The following PRKN variants were observed in gnomAD, a reference collection of about 807,000 sequenced individuals.
PRKN encodes parkin RBR E3 ubiquitin protein ligase.
A neutral mutation model predicts 59.5 loss-of-function variants in PRKN; 56 were observed. The observed-to-expected ratio is 0.94, with a 90% CI of 0.76 to 1.18. The LOEUF is 1.18. PRKN is among the 50% of genes most tolerant of loss of function. PRKN has a pLI of 0.00. For missense variants in PRKN, 657 were observed against 596.4 expected, an observed-to-expected ratio of 1.10 and a Z score of -1.06; for synonymous variants, 250 against 222.1, an observed-to-expected ratio of 1.13 and a Z score of -1.12.
intron 7 of PRKN, among the ~76,000 whole-genome samples, chr6:161,664,307 G>C (rs1201646638): frequency 6.6e-6 from 1 of 152,196 alleles, no homozygotes; most frequent in Non-Finnish European, 1.5e-5. Flanking sequence ...AAGAAATAGA[G>C]GGTCTTCCTG....
intron 7 of PRKN, among the ~76,000 whole-genome samples, chr6:161,741,754 T>G (rs368000411): frequency 6.6e-6 from 1 of 152,044 alleles, no homozygotes; most frequent in Non-Finnish European, 1.5e-5. Context: ...CATCCCAAAT[T>G]AATAAGAACT....
chr6:162,588,574 C>T (rs752130163), intron 1 of PRKN, among the ~76,000 whole-genome samples: 12 of 151,612 alleles, frequency 7.9e-5, no homozygotes, highest in East Asian at 2.0e-4. Flanking sequence ...TTTTTGGAGA[C>T]GGAGTCTGGC....
intron 1 of PRKN, among the ~76,000 whole-genome samples, chr6:162,549,581 A>G (rs1374122091): frequency 6.6e-6 from 1 of 152,122 alleles, no homozygotes; most frequent in South Asian, 2.1e-4. Context: ...CATTGAGTAG[A>G]TAACAGCCTA....
chr6:161,573,797 A>ATATATATATATATAT (rs1554278446), intron 7 of PRKN, among the ~76,000 whole-genome samples: 3 of 67,832 alleles, frequency 4.4e-5, no homozygotes, highest in African/African-American at 1.0e-4. Flanking sequence ...TATATATATA[A>ATATATATATATATAT]AACTTCATTC....
At chr6:161,941,922 G>A (rs983100187) in intron 6 of PRKN, among the ~76,000 whole-genome samples, 4 of 152,174 alleles carry the variant, frequency 2.6e-5, no homozygotes, top group African/African-American at 7.2e-5. Flanking sequence ...ATAGAAATAC[G>A]TTATTAATGA....
chr6:161,590,409 C>T (rs557905296), intron 7 of PRKN, among the ~76,000 whole-genome samples: 2 of 151,990 alleles, frequency 1.3e-5, no homozygotes, highest in Middle Eastern at 6.8e-3. Context: ...ACCAGCCTAG[C>T]CAACATGGTG....
intron 4 of PRKN, among the ~76,000 whole-genome samples, chr6:162,132,799 G>C (rs529975354): frequency 4.1e-4 from 63 of 152,254 alleles, no homozygotes; most frequent in African/African-American, 1.4e-3. Context: ...AAGCAGAGCG[G>C]TGGGATGGCG....
At chr6:162,491,603 T>G (rs975715909) in intron 1 of PRKN, among the ~76,000 whole-genome samples, 1 of 152,180 alleles carries the variant, frequency 6.6e-6, no homozygotes, top group Non-Finnish European at 1.5e-5. Flanking sequence ...CCATGGAGAC[T>G]GACTTAGCCA....
rs1210035743 is a variant in PRKN, at chr6:161,487,357, G to A, written c.1083+61497C>T. On this transcript the variant is annotated intron_variant, in intron 9 of 11. Coordinates refer to ENST00000366898, the MANE Select transcript of PRKN (RefSeq NM_004562.3). The surrounding 1 kb of genome is among the most constrained non-coding windows in gnomAD (Gnocchi z 5.3). ...TGTCTCCTTCCTATACTGCCCCTTC[G>A]CCCATCTGTGTGAGCCAAGGCAAGG... Among the ~76,000 whole-genome samples, 7 of 152,058 alleles carry A rather than the reference G, an allele frequency of 4.6e-5. No homozygotes were observed. Among genetic ancestry groups the A allele is most frequent in the Non-Finnish European group, 8.8e-5 (6 of 68,006 alleles).
At position 162,443,399 on chromosome 6, in the gene PRKN, C is replaced by T; in HGVS notation, c.82G>A (p.Glu28Lys). The change falls in exon 2 of 12, where the codon GAG becomes AAG. Residue 28 changes from glutamate (E) to lysine (K), a missense_variant. By Grantham distance (56) the Glu-to-Lys change is moderately conservative. Coordinates refer to ENST00000366898, the MANE Select transcript of PRKN (RefSeq NM_004562.3). ...ACCCCCTGTCGCTTAGCAACCACCT[C>T]CTTGAGCTGGAAGATGCTGGTGTCA... Reference protein sequence around the residue: ...DSDTSIFQLKEVVAKRQGVPA... With the variant: ...DSDTSIFQLKKVVAKRQGVPA... The T allele has an allele frequency of 6.2e-7, 1 of 1,614,064 alleles. No homozygotes were observed. Among genetic ancestry groups the T allele is most frequent in the Non-Finnish European group, 8.5e-7 (1 of 1,180,018 alleles).
intron 9 of PRKN, among the ~76,000 whole-genome samples, chr6:161,434,688 A>G (rs992929086): frequency 3.3e-5 from 5 of 152,204 alleles, no homozygotes; most frequent in Admixed American, 3.3e-4. Flanking sequence ...TTTACAAAGC[A>G]TCTTTCACCT....
chr6:161,810,168 T>A (rs1320034090), intron 6 of PRKN, among the ~76,000 whole-genome samples: 1 of 151,900 alleles, frequency 6.6e-6, no homozygotes, highest in Non-Finnish European at 1.5e-5. Context: ...ATGACTGGAG[T>A]CCTTACAAGA....
chr6:162,339,383 G>A (rs1490057083), intron 2 of PRKN, among the ~76,000 whole-genome samples: 42 of 146,946 alleles, frequency 2.9e-4, no homozygotes, highest in Admixed American at 2.5e-3. Context: ...GTCCGGGAGG[G>A]AGGTGGGGGG....
intron 2 of PRKN, among the ~76,000 whole-genome samples, chr6:162,271,227 A>G (rs1214535471): frequency 6.6e-6 from 1 of 152,060 alleles, no homozygotes; most frequent in Admixed American, 6.6e-5. Flanking sequence ...TGCCAAGAAA[A>G]GACAAAACGG....
chr6:161,544,468 A>G lies in PRKN; in HGVS notation c.1083+4386T>C, dbSNP rs551277239. 2.3e-3 allele frequency among the ~76,000 whole-genome samples: 346 copies of G among 151,378 alleles called. 1 individual carries two copies. The highest frequency in any genetic ancestry group is 3.8e-3 in the Non-Finnish European group (259 of 67,828). ...ATAAAAGTAATAGTTTGTTGATATT[A>G]CTCCTAGATTATTAAGATTCACTCA... On this transcript the variant is annotated intron_variant, in intron 9 of 11. Coordinates refer to ENST00000366898, the MANE Select transcript of PRKN (RefSeq NM_004562.3). This position sits in a 1 kb window ranked among gnomAD's most constrained non-coding sequence, Gnocchi z 5.5.
chr6:162,141,642 T>C (rs1781784907), intron 4 of PRKN, among the ~76,000 whole-genome samples: 1 of 152,182 alleles, frequency 6.6e-6, no homozygotes, highest in Non-Finnish European at 1.5e-5. Context: ...CAGTCAATAT[T>C]GGTAATAGAG....
chr6:161,997,348 G>A (rs914829759), intron 5 of PRKN, among the ~76,000 whole-genome samples: 1 of 151,986 alleles, frequency 6.6e-6, no homozygotes, highest in Admixed American at 6.6e-5. Flanking sequence ...AGCCTCCTGG[G>A]GTTCTGTTGC....
intron 2 of PRKN, among the ~76,000 whole-genome samples, chr6:162,344,681 C>G (rs1562688658): frequency 6.6e-6 from 1 of 151,900 alleles, no homozygotes; most frequent in African/African-American, 2.4e-5. Context: ...AGCAGCCCCA[C>G]TACTACTAAC....
chr6:162,006,397 A>C (rs1219059122), intron 5 of PRKN, among the ~76,000 whole-genome samples: 1 of 152,202 alleles, frequency 6.6e-6, no homozygotes, highest in Non-Finnish European at 1.5e-5. Flanking sequence ...TTGTGCACTC[A>C]ATTTAACATT....
Sources: allele counts gnomAD v4.1 joint callset (sites outside exome capture counted in the v4.1 genomes callset), GRCh38; gene constraint gnomAD v4.1.1; non-coding constraint Gnocchi (gnomAD v3.1); transcripts MANE v1.5; gene names NCBI Gene and HGNC (gene_info 2026-07-23, HGNC 2026-07-21).